SLC2A13: variants seen among roughly 807,000 people sequenced by gnomAD.
SLC2A13 encodes proton myo-inositol cotransporter.
SLC2A13 carries 32 observed loss-of-function variants against 64.4 expected under a neutral mutation model. That is an observed-to-expected ratio of 0.50 (90% CI 0.37 to 0.67). SLC2A13 has a LOEUF of 0.67. Ranked by LOEUF, SLC2A13 falls within the 30% of genes least tolerant of loss-of-function variation. The pLI, the probability that SLC2A13 is intolerant of heterozygous loss-of-function variation, is 0.00. For missense variants in SLC2A13, 743 were observed against 829.2 expected (o/e 0.90, Z 1.28); for synonymous variants, 338 against 327.1 (o/e 1.03, Z -0.36).
chr12:39,997,183 TA>T (rs1372957318), intron 3 of SLC2A13, among the ~76,000 whole-genome samples: 2 of 152,056 alleles, frequency 1.3e-5, no homozygotes. Flanking sequence ...AGTATAAAAA[TA>T]AGCACATAGA....
intron 4 of SLC2A13, among the ~76,000 whole-genome samples, chr12:39,898,281 C>T (rs565581879): frequency 4.6e-5 from 7 of 152,144 alleles, no homozygotes; most frequent in South Asian, 2.1e-4. Context: ...GAAACTCTTT[C>T]GAAAATATAA....
In SLC2A13 at chr12:39,764,455, C is replaced by A; in HGVS notation, c.1720+5G>T. 6.4e-7 allele frequency: 1 copy of A among 1,559,596 alleles called. No homozygotes were observed. Among genetic ancestry groups the A allele is most frequent in the Non-Finnish European group, 8.6e-7 (1 of 1,160,194 alleles). ...AAAACTATGTTAGAAAAAATATTAT[C>A]TTACCATAGTATGTAAGATACTCTG... On this transcript the variant is annotated splice_donor_5th_base_variant and intron_variant, in intron 9 of 9. Coordinates refer to ENST00000280871, the MANE Select transcript of SLC2A13 (RefSeq NM_052885.4).
At position 39,919,930 on chromosome 12, in the gene SLC2A13, A is replaced by AT. The variant is rs200143012; in HGVS notation, c.1034+31326dup. 3.6e-3 allele frequency among the ~76,000 whole-genome samples: 538 copies of AT among 151,500 alleles called. 8 individuals carry two copies. Among genetic ancestry groups the AT allele is most frequent in the African/African-American group, 0.012 (500 of 41,232 alleles). Reference sequence around the variant, plus strand: ...AGCTATTATAGTAAATTCTTAAATGATTTTTTTTTGTAAACAACTCTTGGC... The same window carrying AT: ...AGCTATTATAGTAAATTCTTAAATGATTTTTTTTTTGTAAACAACTCTTGGC... On this transcript the variant is annotated intron_variant, in intron 4 of 9. Coordinates refer to ENST00000280871, the MANE Select transcript of SLC2A13 (RefSeq NM_052885.4).
chr12:39,918,193 C>T (rs1945551625), intron 4 of SLC2A13, among the ~76,000 whole-genome samples: 1 of 152,084 alleles, frequency 6.6e-6, no homozygotes, highest in Non-Finnish European at 1.5e-5. Context: ...GATGTTCACA[C>T]AGTCTGTAAT....
At chr12:39,959,329 T>G (rs1946370091) in intron 3 of SLC2A13, among the ~76,000 whole-genome samples, 1 of 152,264 alleles carries the variant, frequency 6.6e-6, no homozygotes, top group African/African-American at 2.4e-5. Flanking sequence ...CAGTCTGGCA[T>G]TTATGCCAAT....
chr12:39,881,749 TG>T (rs1944340167), intron 4 of SLC2A13, among the ~76,000 whole-genome samples: 1 of 152,178 alleles, frequency 6.6e-6, no homozygotes, highest in Non-Finnish European at 1.5e-5. Flanking sequence ...TAGATACCTC[TG>T]GGCCTGAGGA....
chr12:39,762,435 T>C (rs1940190388), intron 9 of SLC2A13, among the ~76,000 whole-genome samples: 1 of 119,562 alleles, frequency 8.4e-6, no homozygotes, highest in Admixed American at 8.8e-5. Flanking sequence ...GAGAGAAGCT[T>C]TGACATAATG....
intron 4 of SLC2A13, chr12:39,949,664 A>G (rs1946195630): frequency 6.6e-6 from 1 of 152,258 alleles, no homozygotes; most frequent in Non-Finnish European, 1.5e-5. Flanking sequence ...GAAAACAAAA[A>G]AAGTACAAGA....
intron 5 of SLC2A13, among the ~76,000 whole-genome samples, chr12:39,866,481 G>A (rs1314715816): frequency 6.6e-6 from 1 of 152,198 alleles, no homozygotes; most frequent in South Asian, 2.1e-4. Flanking sequence ...TAATGTATTT[G>A]AAAGATTTTT....
At position 39,755,586 on chromosome 12, in the gene SLC2A13, G is replaced by A. The variant is rs1277257872; in HGVS notation, c.*4440C>T. On this transcript the variant is annotated 3_prime_UTR_variant, in exon 10 of 10. Transcript: ENST00000280871. ...TCTTTTTTAACCTTTAAATGAGATG[G>A]AATAATGTTGTTTGCTAAAACTTTA... 6.6e-6 allele frequency: 1 copy of A among 151,978 alleles called. No homozygotes were observed. The highest frequency in any genetic ancestry group is 2.1e-4 in the South Asian group (1 of 4,824). The allele number at this position is 151,978 out of a possible 1,614,324, so 9.4% of individuals were successfully genotyped here.
intron 7 of SLC2A13, among the ~76,000 whole-genome samples, chr12:39,796,128 C>T (rs563340380): frequency 6.6e-6 from 1 of 152,268 alleles, no homozygotes; most frequent in South Asian, 2.1e-4. Context: ...TGGAATCATA[C>T]AGTATATCAC....
chr12:39,861,677 G>C (rs536863925), intron 6 of SLC2A13, among the ~76,000 whole-genome samples: 1 of 152,156 alleles, frequency 6.6e-6, no homozygotes, highest in Non-Finnish European at 1.5e-5. Flanking sequence ...GTGAAAAAAA[G>C]AAATATGTGT....
intron 1 of SLC2A13, among the ~76,000 whole-genome samples, chr12:40,096,910 T>C (rs545141231): frequency 6.6e-6 from 1 of 152,306 alleles, no homozygotes; most frequent in East Asian, 1.9e-4. Flanking sequence ...CGAAACATTA[T>C]AGTGACCATA....
Position 40,010,924 on chromosome 12 carries a change from G to A in SLC2A13, c.925+17377C>T, listed in dbSNP as rs935440249. Reference sequence around the variant, plus strand: ...TGTGTTTTAGAGGTTTTAAGAGTCTGGGGCCCACCAGTTGGTTTGGTAAGT... The same window carrying A: ...TGTGTTTTAGAGGTTTTAAGAGTCTAGGGCCCACCAGTTGGTTTGGTAAGT... On this transcript the variant is annotated intron_variant, in intron 3 of 9. Transcript: ENST00000280871. Among the ~76,000 whole-genome samples, 5 of 152,154 alleles carry A rather than the reference G, an allele frequency of 3.3e-5. No individual in the cohort carries two copies. The South Asian group carries it at 1.0e-3, about 32-fold the overall frequency.
At chr12:39,804,421 A>G (rs1295085290) in intron 7 of SLC2A13, among the ~76,000 whole-genome samples, 1 of 152,200 alleles carries the variant, frequency 6.6e-6, no homozygotes, top group Non-Finnish European at 1.5e-5. Flanking sequence ...CACAATCATA[A>G]TGGTAAGAGT....
intron 6 of SLC2A13, among the ~76,000 whole-genome samples, chr12:39,830,661 TG>T (rs1205313457): frequency 3.3e-5 from 5 of 151,986 alleles, no homozygotes; most frequent in African/African-American, 1.2e-4. Context: ...TTTTAAAAAA[TG>T]AAAATAGTTT....
chr12:40,028,513 C>T lies in SLC2A13; in HGVS notation c.717-4G>A, dbSNP rs749720081. 6 of 1,607,810 alleles carry T rather than the reference C, an allele frequency of 3.7e-6. No individual in the cohort carries two copies. The Admixed American group carries it at 8.6e-5, about 23-fold the overall frequency. On this transcript the variant is annotated splice_region_variant and splice_polypyrimidine_tract_variant and intron_variant, in intron 2 of 9. Transcript: ENST00000280871. ...TGCTGCAAGTCCCAACATGTACCTG[C>T]AAAGAAAAAAAATCCACATTTACTG...
At chr12:39,837,450 A>T (rs1247453584) in intron 6 of SLC2A13, among the ~76,000 whole-genome samples, 1 of 138,020 alleles carries the variant, frequency 7.2e-6, no homozygotes, top group South Asian at 2.8e-4. Context: ...CATGTCCAAA[A>T]CACCAAAAGC....
chr12:39,861,683 T>C (rs1409996429), intron 6 of SLC2A13, among the ~76,000 whole-genome samples: 1 of 152,156 alleles, frequency 6.6e-6, no homozygotes, highest in African/African-American at 2.4e-5. Context: ...AAAAGAAATA[T>C]GTGTGTGAAC....
Sources: gnomAD v4.1 joint callset for allele counts (sites outside exome capture counted in the v4.1 genomes callset) on GRCh38, gnomAD v4.1.1 for gene constraint, MANE v1.5 for transcripts, NCBI Gene and HGNC (gene_info 2026-07-23, HGNC 2026-07-21) for gene names.